Variants in GNAL observed in about 807,000 individuals in gnomAD.
GNAL encodes the protein guanine nucleotide-binding protein G(olf) subunit alpha.
A neutral mutation model predicts 55.1 loss-of-function variants in GNAL; 18 were observed. That is an observed-to-expected ratio of 0.33 (90% confidence interval 0.23 to 0.48). The LOEUF is 0.48. GNAL is among the 20% of genes least tolerant of loss of function. The pLI, the probability that GNAL is intolerant of heterozygous loss-of-function variation, is 0.99. For missense variants in GNAL, 412 were observed against 614.1 expected (o/e 0.67, Z 3.48); for synonymous variants, 253 against 237.0 (o/e 1.07, Z -0.62).
chr18:11,862,557 C>T (rs2036170918), intron 6 of GNAL, 108 bp downstream of exon 6: 3 of 942,604 alleles, frequency 3.2e-6, no homozygotes, highest in African/African-American at 3.3e-5. Context: ...CTTAAGATAC[C>T]TACTTTTTGC....
chr18:11,841,113 AC>A (rs914971333), intron 5 of GNAL, among the ~76,000 whole-genome samples: 6 of 151,636 alleles, frequency 4.0e-5, no homozygotes, highest in Non-Finnish European at 5.9e-5. Flanking sequence ...GGCTCAAGCA[AC>A]CTGCCCACCT....
chr18:11,792,765 G>A (rs1389609046), intron 4 of GNAL, among the ~76,000 whole-genome samples: 1 of 152,230 alleles, frequency 6.6e-6, no homozygotes, highest in Non-Finnish European at 1.5e-5. Flanking sequence ...TTGATTATAA[G>A]ATTTGAAGGA....
intron 4 of GNAL, chr18:11,811,616 C>T (rs759963861): frequency 7.9e-5 from 12 of 152,178 alleles, no homozygotes; most frequent in Non-Finnish European, 1.6e-4. Flanking sequence ...TCATTAGAAA[C>T]GGTGTGTTTT....
intron 4 of GNAL, among the ~76,000 whole-genome samples, chr18:11,805,140 A>G (rs1197108544): frequency 9.3e-6 from 1 of 107,594 alleles, no homozygotes; most frequent in African/African-American, 3.5e-5. Context: ...GTAGTGGTGA[A>G]GTACAGGTGC....
rs568091493 is a variant in GNAL at position 11,851,742 on chromosome 18, C to T, written c.723-10653C>T. 1.5e-5 allele frequency: 24 copies of T among 1,613,984 alleles called. No individual in the cohort carries two copies. The South Asian group carries it at 2.3e-4, about 16-fold the overall frequency. On this transcript the variant is annotated intron_variant, in intron 5 of 11. Transcript: ENST00000334049. ...GTGCGCGAGTCGATGCAGTGGCTGC[C>T]AGGGTCCAGACGGCGGTGACGATGG...
chr18:11,842,083 C>T (rs1053100732), intron 5 of GNAL, among the ~76,000 whole-genome samples: 7 of 152,006 alleles, frequency 4.6e-5, no homozygotes, highest in African/African-American at 1.4e-4. Context: ...AGCAATTCTC[C>T]TGCCTCAGCC....
chr18:11,790,038 T>C (rs1568028210), intron 4 of GNAL, among the ~76,000 whole-genome samples: 1 of 152,250 alleles, frequency 6.6e-6, no homozygotes. Flanking sequence ...AAGTAAAGGC[T>C]TAAGCTTTCT....
intron 5 of GNAL, among the ~76,000 whole-genome samples, chr18:11,848,097 C>G (rs1047445144): frequency 2.6e-5 from 4 of 152,134 alleles, no homozygotes; most frequent in African/African-American, 9.7e-5. Flanking sequence ...CAGTCTTGGG[C>G]CACAGAGCGC....
chr18:11,858,113 T>C (rs1473316572), intron 5 of GNAL, among the ~76,000 whole-genome samples: 1 of 152,194 alleles, frequency 6.6e-6, no homozygotes, highest in Non-Finnish European at 1.5e-5. Context: ...ATCAATTCCA[T>C]GGCCATAAGA....
chr18:11,828,218 A>G (rs1340048654), intron 5 of GNAL, among the ~76,000 whole-genome samples: 2 of 152,028 alleles, frequency 1.3e-5, no homozygotes, highest in African/African-American at 4.8e-5. Flanking sequence ...TCTTTCTGCA[A>G]TACTTCAATC....
At chr18:11,772,991 G>A (rs1245198913) in intron 4 of GNAL, among the ~76,000 whole-genome samples, 3 of 152,186 alleles carry the variant, frequency 2.0e-5, no homozygotes, top group Non-Finnish European at 4.4e-5. Context: ...AGTGGGCCCA[G>A]CCCTGCCCTT....
At chr18:11,695,995 GATGACTTTTTTCCCAAGTAA>G (rs893286733) in intron 1 of GNAL, among the ~76,000 whole-genome samples, 1 of 152,034 alleles carries the variant, frequency 6.6e-6, no homozygotes, top group Non-Finnish European at 1.5e-5. Flanking sequence ...CTGGGATTTT[GATGACTTTTTTCCCAAGTAA>G]ATGTCTTTCT....
chr18:11,691,962 G>A (rs1457705002), intron 1 of GNAL, among the ~76,000 whole-genome samples: 1 of 152,076 alleles, frequency 6.6e-6, no homozygotes, highest in Non-Finnish European at 1.5e-5. Context: ...TAGCAAATAC[G>A]TGTGCTCCTA....
At chr18:11,734,396 C>A (rs1305138169) in intron 1 of GNAL, among the ~76,000 whole-genome samples, 1 of 152,046 alleles carries the variant, frequency 6.6e-6, no homozygotes, top group Non-Finnish European at 1.5e-5. Flanking sequence ...CCGCCTTGGC[C>A]TTCCAGAGTT....
rs903795489 is a variant in GNAL, at chr18:11,868,719, A to G, written c.1031+56A>G. ...TTGGATTGCAAATTTTCTTTTGTTAAAAATACGCTCAGGCCAGGCGTTGTG... is the reference window on the plus strand; with the variant it reads ...TTGGATTGCAAATTTTCTTTTGTTAGAAATACGCTCAGGCCAGGCGTTGTG... On this transcript the variant is annotated intron_variant, in intron 9 of 11. Coordinates refer to ENST00000334049, the MANE Select transcript of GNAL (RefSeq NM_182978.4). This position sits in a 1 kb window ranked among gnomAD's most constrained non-coding sequence, Gnocchi z 4.0. 6.7e-7 allele frequency: 1 copy of G among 1,496,966 alleles called. No individual in the cohort carries two copies. Among genetic ancestry groups the G allele is most frequent in the Non-Finnish European group, 9.2e-7 (1 of 1,091,024 alleles). The allele number at this position is 1,496,966 out of a possible 1,614,324, so 92.7% of individuals were successfully genotyped here. A position where few individuals can be genotyped will look rare whatever the true frequency, so the allele number is the denominator to read the frequency against.
At chr18:11,841,073 C>T (rs933291726) in intron 5 of GNAL, among the ~76,000 whole-genome samples, 2 of 151,746 alleles carry the variant, frequency 1.3e-5, no homozygotes, top group Admixed American at 6.6e-5. Context: ...GAGGTTTCGC[C>T]GTGTTGCCCA....
chr18:11,707,687 C>T (rs886751479), intron 1 of GNAL, among the ~76,000 whole-genome samples: 2 of 152,210 alleles, frequency 1.3e-5, no homozygotes, highest in African/African-American at 4.8e-5. Context: ...GACTTTTCCT[C>T]TTTACTTATG....
At chr18:11,819,709 A>C (rs943570097) in intron 4 of GNAL, among the ~76,000 whole-genome samples, 1 of 152,010 alleles carries the variant, frequency 6.6e-6, no homozygotes, top group African/African-American at 2.4e-5. Context: ...AGACACATAC[A>C]CACAAAAAAA....
At chr18:11,760,930 TC>T (rs1207929759) in intron 4 of GNAL, among the ~76,000 whole-genome samples, 12 of 152,184 alleles carry the variant, frequency 7.9e-5, no homozygotes, top group African/African-American at 2.7e-4. Flanking sequence ...AACACCTACT[TC>T]CTGTGGCTGA....
Sources: allele counts gnomAD v4.1 joint callset (sites outside exome capture counted in the v4.1 genomes callset), GRCh38; gene constraint gnomAD v4.1.1; non-coding constraint Gnocchi (gnomAD v3.1); transcripts MANE v1.5; gene names NCBI Gene and HGNC (gene_info 2026-07-23, HGNC 2026-07-21).